Variants in RAB31 observed in about 807,000 individuals in gnomAD.
RAB31 encodes ras-related protein Rab-31.
A neutral mutation model predicts 25.6 loss-of-function variants in RAB31; 21 were observed. The observed-to-expected ratio is 0.82, with a 90% CI of 0.58 to 1.18. RAB31 has a LOEUF of 1.18. Ranked by LOEUF, RAB31 falls within the 50% of genes most tolerant of loss-of-function variation. The probability of loss-of-function intolerance (pLI) is 0.00; values close to 1 mark genes in which losing one functional copy is unlikely to be tolerated. For missense variants in RAB31, 196 were observed against 250.1 expected (o/e 0.78, Z 1.46); for synonymous variants, 87 against 84.0 (o/e 1.04, Z -0.20).
chr18:9,761,139 C>G (rs2068286546), intron 1 of RAB31, among the ~76,000 whole-genome samples: 1 of 152,142 alleles, frequency 6.6e-6, no homozygotes, highest in Non-Finnish European at 1.5e-5. Context: ...GTTTAAATCA[C>G]TCTAAATAGG....
chr18:9,780,741 G>C (rs2068399080), intron 2 of RAB31, among the ~76,000 whole-genome samples: 1 of 152,140 alleles, frequency 6.6e-6, no homozygotes. Context: ...GACCAGCCTG[G>C]CCAACATGGT....
intron 1 of RAB31, chr18:9,735,583 C>A: frequency 5.4e-6 from 1 of 185,532 alleles, no homozygotes; most frequent in South Asian, 1.1e-4. Context: ...GTTTCCGGCT[C>A]TTCCTCAGTC....
At chr18:9,772,305 G>T (rs575817963) in intron 1 of RAB31, among the ~76,000 whole-genome samples, 2 of 152,204 alleles carry the variant, frequency 1.3e-5, no homozygotes, top group East Asian at 3.9e-4. Flanking sequence ...GGAAGGCCCC[G>T]GGGCACACAG....
At chr18:9,774,176 C>T (rs1335655318) in intron 1 of RAB31, among the ~76,000 whole-genome samples, 1 of 152,034 alleles carries the variant, frequency 6.6e-6, no homozygotes, top group Non-Finnish European at 1.5e-5. Context: ...TTAGGGGATC[C>T]CAAATATCGG....
Position 9,805,120 on chromosome 18 carries a change from G to A in RAB31, c.202-8900G>A, listed in dbSNP as rs60086547. ...GTTTTTAAAAAATTAGCCAGGTGTG[G>A]TGACATGCAGCTGTAGTCCCAGCTA... On this transcript the variant is annotated intron_variant, in intron 3 of 6. Coordinates refer to ENST00000578921, the MANE Select transcript of RAB31 (RefSeq NM_006868.4). 3.1e-3 allele frequency among the ~76,000 whole-genome samples: 465 copies of A among 151,816 alleles called. 4 individuals carry two copies. Among genetic ancestry groups the A allele is most frequent in the African/African-American group, 0.011 (440 of 41,392 alleles).
intron 6 of RAB31, among the ~76,000 whole-genome samples, chr18:9,853,895 T>C (rs958476729): frequency 6.6e-6 from 1 of 151,710 alleles, no homozygotes; most frequent in Non-Finnish European, 1.5e-5. Flanking sequence ...AAGAGAAAGG[T>C]GCCTTTGAGT....
chr18:9,792,952 G>T (rs8084998), intron 3 of RAB31, among the ~76,000 whole-genome samples: 137,656 of 152,278 alleles, frequency 0.9, 62,545 homozygotes, highest in East Asian at 0.99. Flanking sequence ...CTAATTCTCT[G>T]TATTTGCTGA....
intron 3 of RAB31, among the ~76,000 whole-genome samples, chr18:9,796,034 A>G (rs2068485496): frequency 6.6e-6 from 1 of 152,254 alleles, no homozygotes; most frequent in Admixed American, 6.5e-5. Flanking sequence ...TATACACCAT[A>G]CAATACTACT....
Position 9,749,800 on chromosome 18 carries a change from C to T in RAB31, c.40-25478C>T, listed in dbSNP as rs147532222. The stretch of plus-strand genomic sequence containing the variant: ...GCACACAACAGTAAGTCTTTATAGA[C>T]GGTTCTGTCCTGTAGGGGAGAAAAG... On this transcript the variant is annotated intron_variant, in intron 1 of 6. Coordinates refer to ENST00000578921, the MANE Select transcript of RAB31 (RefSeq NM_006868.4). 1.7e-4 allele frequency among the ~76,000 whole-genome samples: 26 copies of T among 152,240 alleles called. 2 individuals carry two copies. In the East Asian group the frequency reaches 3.3e-3, roughly 19 times the overall value.
intron 2 of RAB31, among the ~76,000 whole-genome samples, chr18:9,776,474 G>A (rs1279094994): frequency 1.3e-5 from 2 of 152,170 alleles, no homozygotes; most frequent in Non-Finnish European, 2.9e-5. Flanking sequence ...TTGGAACTGT[G>A]TAGCTGAGAA....
chr18:9,815,085 T>G, intron 4 of RAB31, 31 bp from the exon 5 acceptor site: 4 of 1,425,372 alleles, frequency 2.8e-6, no homozygotes, highest in Middle Eastern at 3.5e-4. Flanking sequence ...TGAGGGGTCT[T>G]TCTAATGATT....
chr18:9,789,964 C>G (rs1469824487), intron 2 of RAB31, among the ~76,000 whole-genome samples: 1 of 152,046 alleles, frequency 6.6e-6, no homozygotes, highest in East Asian at 1.9e-4. Context: ...CTACTTGGGA[C>G]TTCGGTAGTT....
At chr18:9,710,917 C>CTT (rs148344186) in intron 1 of RAB31, among the ~76,000 whole-genome samples, 20,682 of 144,828 alleles carry the variant, frequency 0.14, 1,565 homozygotes, top group South Asian at 0.26. Flanking sequence ...TTGTGGCTTC[C>CTT]TTTTTTTTTT....
At chr18:9,792,359 T>C in intron 3 of RAB31, 124 bp downstream of exon 3, 1 of 1,439,236 alleles carries the variant, frequency 6.9e-7, no homozygotes, top group Non-Finnish European at 9.2e-7. Context: ...TGAAATGATG[T>C]AAGCAAAAAG....
chr18:9,859,477 G>A lies in RAB31; in HGVS notation c.*152G>A. On this transcript the variant is annotated 3_prime_UTR_variant, in exon 7 of 7. Transcript: ENST00000578921. ...TGGAAGACCTGCAGGGGGCGGGGCAGGAAATGTACCTGAAAAGGATTTTAG... is the reference window on the plus strand; with the variant it reads ...TGGAAGACCTGCAGGGGGCGGGGCAAGAAATGTACCTGAAAAGGATTTTAG... 1.8e-6 allele frequency: 1 copy of A among 566,164 alleles called. No homozygotes were observed. The highest frequency in any genetic ancestry group is 3.0e-5 in the South Asian group (1 of 33,602). 35.1% of individuals were successfully genotyped at this position (566,164 alleles called of 1,614,324 possible).
chr18:9,736,321 CCGT>C (rs2068151035), intron 1 of RAB31, among the ~76,000 whole-genome samples: 1 of 152,140 alleles, frequency 6.6e-6, no homozygotes, highest in Non-Finnish European at 1.5e-5. Flanking sequence ...AAACCTAAAA[CCGT>C]TGCCCTAGAA....
Position 9,743,122 on chromosome 18 carries a change from GC to G in RAB31, c.40-32152del, listed in dbSNP as rs141800977. Among the ~76,000 whole-genome samples the G allele has an allele frequency of 9.3e-3, 1,416 of 152,278 alleles. 18 individuals carry two copies. Among genetic ancestry groups the G allele is most frequent in the African/African-American group, 0.031 (1,302 of 41,550 alleles). On this transcript the variant is annotated intron_variant, in intron 1 of 6. Coordinates refer to ENST00000578921, the MANE Select transcript of RAB31 (RefSeq NM_006868.4). The stretch of plus-strand genomic sequence containing the variant: ...CATGCGGCAAAGCTTTAAGAATTCA[GC>G]CCCTAGACCTGCTTTTGACTGAAAT...
rs1411028680 is a variant in RAB31 at position 9,730,663 on chromosome 18, T to C, written c.39+22219T>C. ...GCTGAAATGCTATATGTAAATCCTC[T>C]TTCCTGATTACCAGCATTCTCCTAA... On this transcript the variant is annotated intron_variant, in intron 1 of 6. Transcript: ENST00000578921. 3.3e-5 allele frequency among the ~76,000 whole-genome samples: 5 copies of C among 152,222 alleles called. No individual in the cohort carries two copies. In the East Asian group the frequency reaches 9.6e-4, roughly 29 times the overall value.
At chr18:9,831,201 T>C (rs1023592647) in intron 5 of RAB31, among the ~76,000 whole-genome samples, 1 of 152,246 alleles carries the variant, frequency 6.6e-6, no homozygotes, top group Non-Finnish European at 1.5e-5. Context: ...GGACATGTTA[T>C]GGTCTGGTGG....
Sources: gnomAD v4.1 joint callset for allele counts (sites outside exome capture counted in the v4.1 genomes callset) on GRCh38, gnomAD v4.1.1 for gene constraint, MANE v1.5 for transcripts, NCBI Gene and HGNC (gene_info 2026-07-23, HGNC 2026-07-21) for gene names.